PLOD2: variants seen among roughly 807,000 people sequenced by gnomAD.
The protein encoded by PLOD2 is procollagen-lysine,2-oxoglutarate 5-dioxygenase 2.
In PLOD2, 65 loss-of-function variants were observed where a neutral mutation model predicts 101.0. The ratio of observed to expected loss-of-function variants is 0.64; its 90% CI spans 0.53 to 0.79. PLOD2 has a LOEUF of 0.79. Among genes scored for constraint, PLOD2 ranks in the 30% least tolerant of loss-of-function variants. The probability of loss-of-function intolerance (pLI) is 0.00; values close to 1 mark genes in which losing one functional copy is unlikely to be tolerated. For missense variants in PLOD2, 909 were observed against 914.6 expected (o/e 0.99, Z 0.08); for synonymous variants, 314 against 302.9 (o/e 1.04, Z -0.38).
chr3:146,097,038 G>C (rs1386256207), intron 7 of PLOD2, among the ~76,000 whole-genome samples: 2 of 147,066 alleles, frequency 1.4e-5, no homozygotes, highest in Non-Finnish European at 3.0e-5. Context: ...CGCCCCGTCC[G>C]GGAGGTGAGG....
intron 1 of PLOD2, among the ~76,000 whole-genome samples, chr3:146,157,896 CA>C (rs1469313404): frequency 3.3e-5 from 5 of 152,178 alleles, no homozygotes; most frequent in African/African-American, 1.2e-4. Context: ...TGGTTTGCAT[CA>C]GTAGATAGGG....
At chr3:146,089,883 G>A (rs530200413) in intron 8 of PLOD2, among the ~76,000 whole-genome samples, 2 of 151,432 alleles carry the variant, frequency 1.3e-5, no homozygotes, top group South Asian at 2.1e-4. Flanking sequence ...AAGCCTTAGA[G>A]GTTATTTTCC....
At chr3:146,105,792 A>G (rs765374205) in intron 5 of PLOD2, among the ~76,000 whole-genome samples, 2 of 152,226 alleles carry the variant, frequency 1.3e-5, no homozygotes, top group Non-Finnish European at 2.9e-5. Flanking sequence ...GTGGATACAG[A>G]GTCTAGCCTC....
intron 6 of PLOD2, among the ~76,000 whole-genome samples, chr3:146,103,123 T>C (rs1395547170): frequency 2.0e-5 from 3 of 152,214 alleles, no homozygotes; most frequent in African/African-American, 7.2e-5. Context: ...CAGTGAGCTG[T>C]CTGTCAGAAT....
chr3:146,096,493 G>T, intron 7 of PLOD2, among the ~76,000 whole-genome samples: 1 of 106,742 alleles, frequency 9.4e-6, no homozygotes, highest in African/African-American at 3.9e-5. Flanking sequence ...GTCTCTGCCC[G>T]GCCGCCCATC....
intron 9 of PLOD2, among the ~76,000 whole-genome samples, chr3:146,087,181 A>G (rs571767359): frequency 6.6e-6 from 1 of 152,088 alleles, no homozygotes; most frequent in East Asian, 1.9e-4. Context: ...TTGTATAAAT[A>G]CTTAAATCTT....
intron 4 of PLOD2, among the ~76,000 whole-genome samples, chr3:146,107,582 C>A (rs917555312): frequency 6.7e-6 from 1 of 149,840 alleles, no homozygotes; most frequent in Non-Finnish European, 1.5e-5. Context: ...ATGACCAAAA[C>A]CAATCAATGG....
rs192000350 is a variant in PLOD2, at chr3:146,140,737, C to A, written c.110-16508G>T. Among the ~76,000 whole-genome samples the A allele has an allele frequency of 1.8e-4, 28 of 152,158 alleles. No homozygotes were observed. The East Asian group carries it at 5.4e-3, about 29-fold the overall frequency. ...CTTTCTATTAATAATGTTAATAATG[C>A]AAATCATTCTGTCAAATGTGATAAT... On this transcript the variant is annotated intron_variant, in intron 1 of 19. Coordinates refer to ENST00000282903, the MANE Select transcript of PLOD2 (RefSeq NM_182943.3).
intron 1 of PLOD2, among the ~76,000 whole-genome samples, chr3:146,149,026 G>A (rs2108137607): frequency 6.6e-6 from 1 of 152,312 alleles, no homozygotes; most frequent in South Asian, 2.1e-4. Flanking sequence ...TCTGTTCAGG[G>A]AAGAATTCAG....
At position 146,070,738 on chromosome 3, in the gene PLOD2, T is replaced by C. The variant is rs990335194; in HGVS notation, c.2256A>G (p.Ala752=). Residue 752 remains alanine, a synonymous_variant, in exon 20 of 20, where the codon GCA becomes GCG. Coordinates refer to ENST00000282903, the MANE Select transcript of PLOD2 (RefSeq NM_182943.3). ...TAACTTAGGGATCTATAAATGACAC[T>C]GCAATGTATCTTGTTCCATTTTTAA... ...LPVKNGTRYI[A]VSFIDP 1 of 1,606,764 alleles carries C rather than the reference T, an allele frequency of 6.2e-7. No individual in the cohort carries two copies. The highest frequency in any genetic ancestry group is 1.3e-5 in the African/African-American group (1 of 74,782).
chr3:146,097,116 A>G (rs1267609767), intron 7 of PLOD2, among the ~76,000 whole-genome samples: 7 of 137,458 alleles, frequency 5.1e-5, no homozygotes, highest in African/African-American at 8.3e-5. Flanking sequence ...CGCCCTGTCC[A>G]GGAGGGAGGT....
At chr3:146,119,447 T>TC (rs1422338722) in intron 3 of PLOD2, among the ~76,000 whole-genome samples, 3 of 151,624 alleles carry the variant, frequency 2.0e-5, no homozygotes, top group African/African-American at 7.3e-5. Context: ...TTTTGCCTCT[T>TC]TTTTTTTATT....
chr3:146,101,236 G>C (rs1286088901), intron 7 of PLOD2, among the ~76,000 whole-genome samples: 2 of 152,092 alleles, frequency 1.3e-5, no homozygotes, highest in East Asian at 3.9e-4. Flanking sequence ...TCACTGATGA[G>C]GAAATGACTC....
At chr3:146,141,702 T>C (rs1439098101) in intron 1 of PLOD2, among the ~76,000 whole-genome samples, 1 of 152,058 alleles carries the variant, frequency 6.6e-6, no homozygotes, top group Non-Finnish European at 1.5e-5. Context: ...ATAAATATTT[T>C]TGGAAGGAAG....
chr3:146,071,530 A>G, intron 17 of PLOD2, 107 bp from the exon 18 acceptor site: 1 of 1,085,738 alleles, frequency 9.2e-7, no homozygotes, highest in South Asian at 1.3e-5. Flanking sequence ...TAAAAATAAC[A>G]GTTGTTCCAA....
intron 1 of PLOD2, among the ~76,000 whole-genome samples, chr3:146,138,457 G>C (rs1193349971): frequency 6.6e-6 from 1 of 152,130 alleles, no homozygotes; most frequent in Non-Finnish European, 1.5e-5. Context: ...ACATAACCAA[G>C]TTTCACTGAG....
chr3:146,097,806 T>C (rs12639125), intron 7 of PLOD2, among the ~76,000 whole-genome samples: 113 of 125,038 alleles, frequency 9.0e-4, no homozygotes, highest in African/African-American at 3.0e-3. Flanking sequence ...AAAAAAAAAA[T>C]AATAATAATA....
intron 1 of PLOD2, among the ~76,000 whole-genome samples, chr3:146,132,613 C>G (rs1035237582): frequency 6.6e-6 from 1 of 151,548 alleles, no homozygotes; most frequent in African/African-American, 2.4e-5. Flanking sequence ...GTTTCCTGAT[C>G]ATCCCTTTGG....
chr3:146,080,377 T>TA (rs1305878939), intron 12 of PLOD2, among the ~76,000 whole-genome samples: 2 of 152,050 alleles, frequency 1.3e-5, no homozygotes, highest in Non-Finnish European at 2.9e-5. Context: ...TCTCAACATA[T>TA]CTTCGTATTT....
Sources: allele counts gnomAD v4.1 joint callset (sites outside exome capture counted in the v4.1 genomes callset), GRCh38; gene constraint gnomAD v4.1.1; transcripts MANE v1.5; gene names NCBI Gene and HGNC (gene_info 2026-07-23, HGNC 2026-07-21).